SLCO1A2: variants seen among roughly 807,000 people sequenced by gnomAD.
SLCO1A2 encodes the protein OATP-1.
SLCO1A2 carries 67 observed loss-of-function variants against 69.0 expected under a neutral mutation model. The observed-to-expected ratio is 0.97, with a 90% CI of 0.80 to 1.19. The LOEUF (loss-of-function observed/expected upper bound fraction) is 1.19, where lower values mean the gene tolerates loss of function less well. SLCO1A2 is among the 50% of genes most tolerant of loss of function. The probability of loss-of-function intolerance (pLI) is 0.00; values close to 1 mark genes in which losing one functional copy is unlikely to be tolerated. For synonymous variants in SLCO1A2, 260 were observed against 265.9 expected (o/e 0.98, Z 0.22); for missense variants, 787 against 793.7 (o/e 0.99, Z 0.10).
chr12:21,300,034 GTA>G (rs112757363), intron 8 of SLCO1A2, among the ~76,000 whole-genome samples: 151 of 141,640 alleles, frequency 1.1e-3, no homozygotes, highest in African/African-American at 1.2e-3. Context: ...ATATATGTGT[GTA>G]TATATATATG....
At chr12:21,276,387 GACAC>G (rs3060629) in intron 12 of SLCO1A2, among the ~76,000 whole-genome samples, 27,306 of 141,790 alleles carry the variant, frequency 0.19, 2,798 homozygotes, top group Non-Finnish European at 0.24. Context: ...GATAAATATG[GACAC>G]ACACACACAC....
chr12:21,304,606 C>A (rs747612682), intron 5 of SLCO1A2, 33 bp from the exon 6 acceptor site: 19 of 1,565,662 alleles, frequency 1.2e-5, no homozygotes, highest in Non-Finnish European at 1.5e-5. Flanking sequence ...GACATTAGTG[C>A]TTTGACGATA....
chr12:21,403,825 G>A (rs1300600344), intron 1 of SLCO1A2, among the ~76,000 whole-genome samples: 2 of 147,272 alleles, frequency 1.4e-5, no homozygotes, highest in Non-Finnish European at 3.0e-5. Flanking sequence ...AAACTTTGCT[G>A]AGCCTCAATT....
At chr12:21,383,305 T>G (rs1248351593) in intron 1 of SLCO1A2, among the ~76,000 whole-genome samples, 1 of 152,176 alleles carries the variant, frequency 6.6e-6, no homozygotes, top group Non-Finnish European at 1.5e-5. Flanking sequence ...TAAGAACATT[T>G]TCTTCTATGG....
intron 12 of SLCO1A2, among the ~76,000 whole-genome samples, chr12:21,281,997 A>G (rs1324957367): frequency 6.6e-6 from 1 of 152,138 alleles, no homozygotes; most frequent in African/African-American, 2.4e-5. Context: ...CCAAACATTT[A>G]AAAAGGAAAT....
intron 4 of SLCO1A2, among the ~76,000 whole-genome samples, chr12:21,310,675 G>T (rs763821987): frequency 3.9e-5 from 6 of 152,104 alleles, no homozygotes; most frequent in Non-Finnish European, 7.4e-5. Context: ...CGATCTCGGC[G>T]CACTGCAAGC....
At chr12:21,362,006 C>T (rs908065652) in intron 2 of SLCO1A2, among the ~76,000 whole-genome samples, 5 of 152,178 alleles carry the variant, frequency 3.3e-5, no homozygotes, top group African/African-American at 4.8e-5. Context: ...CCCAACCTAG[C>T]GGGGAAGGCC....
intron 12 of SLCO1A2, among the ~76,000 whole-genome samples, chr12:21,283,268 C>A (rs1156955748): frequency 6.6e-6 from 1 of 152,048 alleles, no homozygotes; most frequent in Non-Finnish European, 1.5e-5. Flanking sequence ...AAAATCCATT[C>A]ATCTATGGTG....
chr12:21,290,630 C>T (rs1427596737), intron 12 of SLCO1A2, among the ~76,000 whole-genome samples: 4 of 151,942 alleles, frequency 2.6e-5, no homozygotes, highest in Non-Finnish European at 4.4e-5. Flanking sequence ...TATCTATGTC[C>T]CTTAAACCAC....
intron 3 of SLCO1A2, among the ~76,000 whole-genome samples, chr12:21,316,869 T>C (rs563496131): frequency 6.6e-5 from 10 of 152,188 alleles, no homozygotes; most frequent in Non-Finnish European, 1.2e-4. Context: ...TATAACTTTG[T>C]CACCAATTGT....
intron 2 of SLCO1A2, among the ~76,000 whole-genome samples, chr12:21,368,350 C>T (rs915322785): frequency 6.6e-6 from 1 of 152,008 alleles, no homozygotes; most frequent in Non-Finnish European, 1.5e-5. Context: ...ACAACAAATG[C>T]CCCCATTTTT....
At chr12:21,364,523 A>T (rs556310466) in intron 2 of SLCO1A2, among the ~76,000 whole-genome samples, 1 of 152,334 alleles carries the variant, frequency 6.6e-6, no homozygotes, top group South Asian at 2.1e-4. Context: ...CTCCTATTCA[A>T]CATAGTGTTG....
chr12:21,406,200 A>G (rs1941822208), intron 1 of SLCO1A2, among the ~76,000 whole-genome samples: 1 of 152,206 alleles, frequency 6.6e-6, no homozygotes, highest in East Asian at 1.9e-4. Flanking sequence ...GTGTGTGTGT[A>G]TGCGTGCATG....
rs1222179854 is a variant in SLCO1A2 at position 21,274,530 on chromosome 12, A to G, written c.1732T>C (p.Trp578Arg). 1 of 1,613,714 alleles carries G rather than the reference A, an allele frequency of 6.2e-7. No individual in the cohort carries two copies. The highest frequency in any genetic ancestry group is 8.5e-7 in the Non-Finnish European group (1 of 1,179,792). The stretch of plus-strand genomic sequence containing the variant: ...GACTCACCACATTTCAAAGTTCCCC[A>G]GTGTAAACATGTGGAATCCATTAAA... Reference protein sequence around the residue: ...GALMDSTCLHWGTLKCGESGA... With the variant: ...GALMDSTCLHRGTLKCGESGA... Residue 578 changes from tryptophan (W) to arginine (R), a missense_variant, in exon 14 of 15, where the codon TGG (tryptophan) becomes CGG (arginine). Physicochemically the swap from Trp to Arg is moderately radical, Grantham distance 101. Coordinates refer to ENST00000683939, the MANE Select transcript of SLCO1A2 (RefSeq NM_001386879.1).
At chr12:21,373,294 T>G (rs1939933941) in intron 2 of SLCO1A2, 1 of 1,141,358 alleles carries the variant, frequency 8.8e-7, no homozygotes, top group Non-Finnish European at 1.3e-6. Context: ...CAATTAGAAC[T>G]GTAAGAAATC....
Position 21,274,806 on chromosome 12 carries a change from T to C in SLCO1A2, c.1676-220A>G, listed in dbSNP as rs1156349010. On this transcript the variant is annotated intron_variant, in intron 13 of 14. Transcript: ENST00000683939. ...TGGTCAAATGCAACATAATTATTAG[T>C]AGAGTAAAACATTGAATTAAAGATT... The C allele has an allele frequency of 4.3e-6, 3 of 702,042 alleles. No individual in the cohort carries two copies. The African/African-American group carries it at 5.4e-5, about 13-fold the overall frequency. The allele number at this position is 702,042 out of a possible 1,614,324, so 43.5% of individuals were successfully genotyped here.
chr12:21,285,235 A>G (rs1429730912), intron 12 of SLCO1A2, among the ~76,000 whole-genome samples: 4 of 152,118 alleles, frequency 2.6e-5, no homozygotes, highest in South Asian at 4.1e-4. Flanking sequence ...ACACCTCTAC[A>G]CAAATAAAAC....
At chr12:21,341,746 A>C (rs1953077251) in intron 2 of SLCO1A2, among the ~76,000 whole-genome samples, 1 of 152,094 alleles carries the variant, frequency 6.6e-6, no homozygotes, top group Admixed American at 6.6e-5. Flanking sequence ...GATAGTATCC[A>C]TTCAGATTTC....
chr12:21,399,026 G>A (rs1301794246), upstream of SLCO1A2, among the ~76,000 whole-genome samples: 3 of 149,354 alleles, frequency 2.0e-5, no homozygotes, highest in African/African-American at 4.9e-5. Flanking sequence ...TCTGGCCAGG[G>A]CAATTAGGCA....
Sources: gnomAD v4.1 joint callset for allele counts (sites outside exome capture counted in the v4.1 genomes callset) on GRCh38, gnomAD v4.1.1 for gene constraint, MANE v1.5 for transcripts, NCBI Gene and HGNC (gene_info 2026-07-23, HGNC 2026-07-21) for gene names.